Variants in PCDH15 observed in about 807,000 individuals in gnomAD.
PCDH15 encodes protocadherin related 15.
In PCDH15, 129 loss-of-function variants were observed where a neutral mutation model predicts 178.5. The ratio of observed to expected loss-of-function variants is 0.72; its 90% CI spans 0.63 to 0.84. PCDH15 has a LOEUF of 0.84. PCDH15 is among the 40% of genes least tolerant of loss of function. The pLI is 0.00. For missense variants in PCDH15, 2,230 were observed against 2,099.9 expected (o/e 1.06, Z -1.21); for synonymous variants, 800 against 732.0 (o/e 1.09, Z -1.50).
intron 2 of PCDH15, among the ~76,000 whole-genome samples, chr10:54,628,692 T>A (rs1166315837): frequency 3.3e-5 from 5 of 152,148 alleles, no homozygotes; most frequent in Non-Finnish European, 5.9e-5. Context: ...CTCTCATGTG[T>A]CAAGTATTGT....
intron 2 of PCDH15, among the ~76,000 whole-genome samples, chr10:55,483,985 A>C (rs544752183): frequency 1.3e-5 from 2 of 151,966 alleles, no homozygotes; most frequent in African/African-American, 4.8e-5. Flanking sequence ...AATGAATGAC[A>C]TCGTGTCCTT....
intron 27 of PCDH15, among the ~76,000 whole-genome samples, chr10:53,865,261 T>C (rs1481618795): frequency 1.3e-5 from 2 of 152,178 alleles, no homozygotes; most frequent in African/African-American, 4.8e-5. Context: ...GAAAGTTAAA[T>C]TTTATATGAT....
chr10:53,980,463 G>C (rs917998273), intron 21 of PCDH15, among the ~76,000 whole-genome samples: 14 of 152,082 alleles, frequency 9.2e-5, no homozygotes, highest in African/African-American at 1.4e-4. Context: ...GATGACATCA[G>C]AGTTACTTCA....
At chr10:54,795,212 T>C (rs16906543) in intron 1 of PCDH15, among the ~76,000 whole-genome samples, 10,947 of 151,838 alleles carry the variant, frequency 0.072, 464 homozygotes, top group South Asian at 0.14. Flanking sequence ...CCTTGGTCGA[T>C]CTTCACTCAT....
intron 21 of PCDH15, among the ~76,000 whole-genome samples, chr10:53,969,896 T>C (rs572498259): frequency 6.6e-6 from 1 of 152,134 alleles, no homozygotes; most frequent in South Asian, 2.1e-4. Flanking sequence ...TACCAGCCAC[T>C]GCAAAAACAT....
intron 2 of PCDH15, among the ~76,000 whole-genome samples, chr10:54,978,065 G>T (rs1227089310): frequency 6.6e-6 from 1 of 151,982 alleles, no homozygotes; most frequent in Non-Finnish European, 1.5e-5. Flanking sequence ...AATTAAATTC[G>T]AGAAAGCACA....
At chr10:55,219,975 T>C (rs1840824099) in intron 1 of PCDH15, among the ~76,000 whole-genome samples, 1 of 151,880 alleles carries the variant, frequency 6.6e-6, no homozygotes, top group Admixed American at 6.6e-5. Context: ...CCAATATCTT[T>C]AAGGGACCAC....
chr10:54,118,320 C>T (rs903635659), intron 15 of PCDH15, among the ~76,000 whole-genome samples: 2 of 152,080 alleles, frequency 1.3e-5, no homozygotes, highest in African/African-American at 2.4e-5. Context: ...AGCTGGCTAG[C>T]CATACATAGA....
At chr10:55,053,386 A>G (rs1348651816) in intron 2 of PCDH15, among the ~76,000 whole-genome samples, 2 of 152,224 alleles carry the variant, frequency 1.3e-5, no homozygotes, top group African/African-American at 4.8e-5. Flanking sequence ...AAGACGGTAC[A>G]TGAGTAGGAT....
At chr10:54,727,172 A>T (rs1942671839) in intron 1 of PCDH15, among the ~76,000 whole-genome samples, 1 of 151,292 alleles carries the variant, frequency 6.6e-6, no homozygotes, top group Non-Finnish European at 1.5e-5. Flanking sequence ...ATGGTACACT[A>T]AAATCAACCA....
intron 12 of PCDH15, among the ~76,000 whole-genome samples, chr10:54,184,460 ATGTG>A (rs907974035): frequency 6.6e-6 from 1 of 151,788 alleles, no homozygotes; most frequent in African/African-American, 2.4e-5. Flanking sequence ...GTGTATGTTT[ATGTG>A]TGTGTGTGTA....
At chr10:54,752,432 A>C (rs552767287) in intron 1 of PCDH15, among the ~76,000 whole-genome samples, 18 of 148,774 alleles carry the variant, frequency 1.2e-4, no homozygotes, top group Non-Finnish European at 1.8e-4. Context: ...AGCTGAGATC[A>C]CGCCACTGCA....
At position 53,926,754 on chromosome 10, in the gene PCDH15, C is replaced by T. The variant is rs972767060; in HGVS notation, c.3373+12061G>A. Among the ~76,000 whole-genome samples the T allele has an allele frequency of 3.3e-5, 5 of 152,262 alleles. No homozygotes were observed. In the East Asian group the frequency reaches 5.8e-4, roughly 18 times the overall value. ...ATTGCTTCAAATGTTTTGCAGAGTTCGAGGTTTTTCACTGACAAAGCTACT... is the reference window on the plus strand; with the variant it reads ...ATTGCTTCAAATGTTTTGCAGAGTTTGAGGTTTTTCACTGACAAAGCTACT... On this transcript the variant is annotated intron_variant, in intron 25 of 37. Transcript: ENST00000644397.
chr10:55,369,197 C>T (rs1845437529), intron 2 of PCDH15, among the ~76,000 whole-genome samples: 1 of 151,882 alleles, frequency 6.6e-6, no homozygotes, highest in South Asian at 2.1e-4. Flanking sequence ...AGACTTCTTA[C>T]TGCCTAGAGT....
chr10:54,650,509 T>C (rs1047135818), intron 2 of PCDH15, among the ~76,000 whole-genome samples: 31 of 152,312 alleles, frequency 2.0e-4, no homozygotes, highest in African/African-American at 7.2e-4. Context: ...TATTAGTGAC[T>C]GATGCTTACA....
chr10:55,071,194 T>C (rs1011140484), intron 2 of PCDH15, among the ~76,000 whole-genome samples: 13 of 152,154 alleles, frequency 8.5e-5, no homozygotes, highest in Admixed American at 3.3e-4. Flanking sequence ...AATCAACTAA[T>C]GAGCAAAATA....
At chr10:55,034,393 A>C (rs1041030344) in intron 2 of PCDH15, among the ~76,000 whole-genome samples, 5 of 152,234 alleles carry the variant, frequency 3.3e-5, no homozygotes, top group Non-Finnish European at 7.3e-5. Flanking sequence ...TGTTAAAATG[A>C]TCAATTGCAG....
At chr10:54,856,574 T>C (rs1475763764) in intron 3 of PCDH15, among the ~76,000 whole-genome samples, 2 of 152,182 alleles carry the variant, frequency 1.3e-5, no homozygotes, top group Admixed American at 6.6e-5. Flanking sequence ...GCTTCCCTAA[T>C]ATTCAAGCCA....
chr10:55,032,619 C>A (rs941665351), intron 2 of PCDH15, among the ~76,000 whole-genome samples: 1 of 152,114 alleles, frequency 6.6e-6, no homozygotes, highest in African/African-American at 2.4e-5. Flanking sequence ...CCCAGGCTGG[C>A]CACATAAACA....
Sources: gnomAD v4.1 joint callset for allele counts (sites outside exome capture counted in the v4.1 genomes callset) on GRCh38, gnomAD v4.1.1 for gene constraint, MANE v1.5 for transcripts, NCBI Gene and HGNC (gene_info 2026-07-23, HGNC 2026-07-21) for gene names.